The following EPHA5 variants were observed in gnomAD, a reference collection of about 807,000 sequenced individuals.
The protein encoded by EPHA5 is ephrin type-A receptor 5.
A neutral mutation model predicts 105.0 loss-of-function variants in EPHA5; 60 were observed. The ratio of observed to expected loss-of-function variants is 0.57; its 90% CI spans 0.46 to 0.71. The LOEUF is 0.71. Ranked by LOEUF, EPHA5 falls within the 30% of genes least tolerant of loss-of-function variation. The probability of loss-of-function intolerance (pLI) is 0.00; values close to 1 mark genes in which losing one functional copy is unlikely to be tolerated. For synonymous variants in EPHA5, 513 were observed against 449.1 expected, an observed-to-expected ratio of 1.14 and a Z score of -1.80; for missense variants, 1,218 against 1,274.7, an observed-to-expected ratio of 0.96 and a Z score of 0.68.
intron 1 of EPHA5, among the ~76,000 whole-genome samples, chr4:65,656,198 A>G (rs1049132512): frequency 3.6e-4 from 55 of 151,196 alleles, no homozygotes; most frequent in African/African-American, 1.2e-3. Flanking sequence ...GCTTTCTACA[A>G]TGACTCATAC....
At chr4:65,521,830 C>T (rs1343466055) in intron 3 of EPHA5, among the ~76,000 whole-genome samples, 2 of 151,920 alleles carry the variant, frequency 1.3e-5, no homozygotes, top group African/African-American at 4.8e-5. Flanking sequence ...AATCCATTTC[C>T]CATTGCCTTA....
chr4:65,573,764 C>T (rs925233675), intron 3 of EPHA5: 16 of 1,611,744 alleles, frequency 9.9e-6, no homozygotes, highest in Middle Eastern at 3.3e-4. Flanking sequence ...ACAAGAACGG[C>T]GGTACCCGGG....
chr4:65,432,351 A>G (rs1366876679), intron 5 of EPHA5, among the ~76,000 whole-genome samples: 2 of 152,188 alleles, frequency 1.3e-5, no homozygotes. Flanking sequence ...TAGAAGTGAA[A>G]TAGGTAAGAG....
chr4:65,524,856 T>C (rs1735084369), intron 3 of EPHA5, among the ~76,000 whole-genome samples: 3 of 151,824 alleles, frequency 2.0e-5, no homozygotes, highest in Middle Eastern at 3.4e-3. Flanking sequence ...ATATGGCAGA[T>C]CTAGTAGTTG....
At chr4:65,361,045 AG>A (rs1422699424) in intron 11 of EPHA5, among the ~76,000 whole-genome samples, 1 of 151,716 alleles carries the variant, frequency 6.6e-6, no homozygotes, top group African/African-American at 2.4e-5. Flanking sequence ...ACATATATAA[AG>A]TGCTACACCT....
intron 5 of EPHA5, among the ~76,000 whole-genome samples, chr4:65,428,897 C>G (rs1560527346): frequency 6.6e-6 from 1 of 151,966 alleles, no homozygotes; most frequent in Non-Finnish European, 1.5e-5. Context: ...CACTGGCACT[C>G]ATAGTATTCT....
intron 3 of EPHA5, among the ~76,000 whole-genome samples, chr4:65,570,109 A>G (rs537739643): frequency 4.6e-5 from 7 of 151,840 alleles, no homozygotes; most frequent in African/African-American, 1.7e-4. Flanking sequence ...AGTAATTCCA[A>G]CACTGTATGA....
At chr4:65,372,821 A>G (rs528739499) in intron 8 of EPHA5, among the ~76,000 whole-genome samples, 268 of 151,920 alleles carry the variant, frequency 1.8e-3, no homozygotes, top group African/African-American at 5.7e-3. Context: ...GAATTTTAAA[A>G]CTCTTAGAAT....
At chr4:65,354,016 T>C (rs748570194) in intron 11 of EPHA5, among the ~76,000 whole-genome samples, 4 of 151,750 alleles carry the variant, frequency 2.6e-5, no homozygotes, top group Non-Finnish European at 5.9e-5. Context: ...TGGATTTTCA[T>C]CCCAGAGCAA....
chr4:65,604,527 G>C (rs1396654981), intron 2 of EPHA5, among the ~76,000 whole-genome samples: 2 of 152,020 alleles, frequency 1.3e-5, no homozygotes, highest in African/African-American at 2.4e-5. Flanking sequence ...AATAATTATG[G>C]CCATAAGCCA....
intron 16 of EPHA5, among the ~76,000 whole-genome samples, chr4:65,327,250 A>C (rs1266815036): frequency 6.6e-6 from 1 of 151,314 alleles, no homozygotes; most frequent in African/African-American, 2.4e-5. Flanking sequence ...AACATTTCAT[A>C]CTTACAGATT....
chr4:65,659,334 A>C (rs1185870095), intron 1 of EPHA5, among the ~76,000 whole-genome samples: 5 of 33,400 alleles, frequency 1.5e-4, no homozygotes, highest in African/African-American at 4.8e-4. Context: ...AAAAAAAAAA[A>C]AAAAAAAAAA....
chr4:65,457,592 GAAAT>G, intron 5 of EPHA5, among the ~76,000 whole-genome samples: 1 of 151,758 alleles, frequency 6.6e-6, no homozygotes. Context: ...CTCAAAATTT[GAAAT>G]AAATACTTTT....
At chr4:65,537,142 T>A (rs2149313966) in intron 3 of EPHA5, among the ~76,000 whole-genome samples, 1 of 151,940 alleles carries the variant, frequency 6.6e-6, no homozygotes, top group Admixed American at 6.6e-5. Context: ...AAGAAGGTAC[T>A]GAACAAAAAT....
intron 7 of EPHA5, among the ~76,000 whole-genome samples, chr4:65,412,537 G>C (rs1479033719): frequency 6.6e-6 from 1 of 151,970 alleles, no homozygotes; most frequent in African/African-American, 2.4e-5. Context: ...GCACATATAT[G>C]AGTAGAAAAT....
chr4:65,383,880 C>T (rs906013490), intron 8 of EPHA5, among the ~76,000 whole-genome samples: 2 of 151,724 alleles, frequency 1.3e-5, no homozygotes, highest in African/African-American at 2.4e-5. Flanking sequence ...ATATGAATCA[C>T]GTAAGCCATA....
At chr4:65,333,708 C>T (rs1720908747) in intron 15 of EPHA5, among the ~76,000 whole-genome samples, 1 of 146,282 alleles carries the variant, frequency 6.8e-6, no homozygotes, top group Non-Finnish European at 1.5e-5. Context: ...CCACTATAGA[C>T]AATTTTACTC....
intron 3 of EPHA5, among the ~76,000 whole-genome samples, chr4:65,503,705 C>T (rs1294674337): frequency 6.6e-6 from 1 of 151,692 alleles, no homozygotes; most frequent in Admixed American, 6.6e-5. Context: ...CTGCCATGAA[C>T]TGTACTGAAC....
rs568225440 is a variant in EPHA5, at chr4:65,517,313, TG to T, written c.911-21771del. On this transcript the variant is annotated intron_variant, in intron 3 of 16. Coordinates refer to ENST00000613740, the MANE Select transcript of EPHA5 (RefSeq NM_001281766.3). ...TTCTTATGCTTGCTTCCTTTTTGCT[TG>T]GTATGTTTTTATTCATTTTATGTTT... Among the ~76,000 whole-genome samples the T allele has an allele frequency of 6.9e-3, 1,054 of 151,958 alleles. 3 individuals carry two copies. The highest frequency in any genetic ancestry group is 0.012 in the Non-Finnish European group (830 of 67,882).
Sources: gnomAD v4.1 joint callset for allele counts (sites outside exome capture counted in the v4.1 genomes callset) on GRCh38, gnomAD v4.1.1 for gene constraint, MANE v1.5 for transcripts, NCBI Gene and HGNC (gene_info 2026-07-23, HGNC 2026-07-21) for gene names.